Variants in HECTD4 observed in about 807,000 individuals in gnomAD.
HECTD4 encodes the protein HECT domain E3 ubiquitin protein ligase 4.
Under a neutral mutation model 471.5 loss-of-function variants are expected in HECTD4, and 114 were observed. That is an observed-to-expected ratio of 0.24 (90% CI 0.21 to 0.28). The LOEUF is 0.28. Ranked by LOEUF, HECTD4 falls within the 10% of genes least tolerant of loss-of-function variation. The pLI is 1.00. For synonymous variants in HECTD4, 2,012 were observed against 2,256.0 expected (o/e 0.89, Z 3.07); for missense variants, 3,866 against 5,651.5 (o/e 0.68, Z 10.13).
chr12:112,287,383 T>C (rs1044100722), intron 7 of HECTD4, among the ~76,000 whole-genome samples: 6 of 152,162 alleles, frequency 3.9e-5, no homozygotes, highest in African/African-American at 1.4e-4. Flanking sequence ...AAGGGTAGCT[T>C]AGTCATCTGG....
intron 1 of HECTD4, among the ~76,000 whole-genome samples, chr12:112,350,364 A>G (rs950968594): frequency 6.6e-6 from 1 of 152,238 alleles, no homozygotes; most frequent in African/African-American, 2.4e-5. Context: ...GGGAAACAGT[A>G]TGTGTTATCA....
In HECTD4 at chr12:112,248,471, G is replaced by A; in HGVS notation, c.3992C>T (p.Ser1331Phe). The A allele has an allele frequency of 6.2e-7, 1 of 1,610,146 alleles. No individual in the cohort carries two copies. The highest frequency in any genetic ancestry group is 8.5e-7 in the Non-Finnish European group (1 of 1,178,590). ...CAAGTTCAAGTGCTTAATAACACAA[G>A]ATACCACCATTTCCTCCATCACGTC... Reference protein sequence around the residue: ...QPDVMEEMVVSCVIKHLNLVD... With the variant: ...QPDVMEEMVVFCVIKHLNLVD... Residue 1331 changes from serine (S) to phenylalanine (F), a missense_variant, in exon 26 of 76, where the codon TCT becomes TTT. Physicochemically the swap from Ser to Phe is radical, Grantham distance 155 (BLOSUM62 -2). Transcript: ENST00000682272.
chr12:112,353,288 T>C (rs1594068253), intron 1 of HECTD4, among the ~76,000 whole-genome samples: 1 of 152,360 alleles, frequency 6.6e-6, no homozygotes, highest in East Asian at 1.9e-4. Flanking sequence ...GGATTCTTTC[T>C]AAGTATCTTT....
In HECTD4 at chr12:112,270,480, T is replaced by G. The variant is rs375103933; in HGVS notation, c.1943-21A>C. On this transcript the variant is annotated intron_variant, in intron 11 of 75. Coordinates refer to ENST00000682272, the MANE Select transcript of HECTD4 (RefSeq NM_001388303.1). The stretch of plus-strand genomic sequence containing the variant: ...CTCTTCTAGAAGATGAAAAGGAAAC[T>G]GAGTGAGGAAAGACATCTCTATGGG... 3.4e-5 allele frequency: 54 copies of G among 1,594,474 alleles called. No homozygotes were observed. In the African/African-American group the frequency reaches 7.1e-4, roughly 21 times the overall value.
At chr12:112,284,433 G>T (rs1185190475) in intron 7 of HECTD4, among the ~76,000 whole-genome samples, 1 of 152,194 alleles carries the variant, frequency 6.6e-6, no homozygotes, top group Non-Finnish European at 1.5e-5. Flanking sequence ...CAAAGGGAAA[G>T]CAAAAGAGGA....
In HECTD4 at chr12:112,250,962, T is replaced by C; in HGVS notation, c.3716+9A>G. 6.2e-7 allele frequency: 1 copy of C among 1,603,126 alleles called. No homozygotes were observed. Among genetic ancestry groups the C allele is most frequent in the South Asian group, 1.1e-5 (1 of 89,030 alleles). ...GGCAACACTAGCTCAATTTCAACCT[T>C]TTTGTTACCTTTGTAAAAGTTTGGA... On this transcript the variant is annotated intron_variant, in intron 24 of 75. Transcript: ENST00000682272.
In HECTD4 at chr12:112,190,978, C is replaced by T; in HGVS notation, c.9293-13G>A. ...GGTGGAGACACCCCTGCAAGAAGCA[C>T]CCAGGAAGAAAGCAGATGATTGGCA... On this transcript the variant is annotated splice_polypyrimidine_tract_variant and intron_variant, in intron 59 of 75. Coordinates refer to ENST00000682272, the MANE Select transcript of HECTD4 (RefSeq NM_001388303.1). 6.5e-7 allele frequency: 1 copy of T among 1,542,472 alleles called. No homozygotes were observed. The highest frequency in any genetic ancestry group is 1.4e-5 in the African/African-American group (1 of 72,962).
At chr12:112,313,446 A>T (rs2035410673) in intron 3 of HECTD4, among the ~76,000 whole-genome samples, 2 of 133,172 alleles carry the variant, frequency 1.5e-5, no homozygotes, top group South Asian at 4.7e-4. Context: ...TCCAGAGTAG[A>T]TGGGACCACA....
rs1262480901 is a variant in HECTD4 at position 112,254,131 on chromosome 12, C to T, written c.3359G>A (p.Ser1120Asn). 1.9e-6 allele frequency: 3 copies of T among 1,614,012 alleles called. No individual in the cohort carries two copies. Among genetic ancestry groups the T allele is most frequent in the Admixed American group, 1.7e-5 (1 of 60,024 alleles). Residue 1120 changes from serine (S) to asparagine (N), a missense_variant, in exon 22 of 76, where the codon AGT (serine) becomes AAT (asparagine). By Grantham distance (46) the Ser-to-Asn change is conservative (BLOSUM62 1). Coordinates refer to ENST00000682272, the MANE Select transcript of HECTD4 (RefSeq NM_001388303.1). ...GCCTCCATATTCAGCAACCTTCCTA[C>T]TGTTTGTGTTAGGCCCCGCATATAT... The part of the protein sequence containing the change: ...LVIYAGPNTN[S>N]RKVAEYGGNT...
In HECTD4 at chr12:112,192,615, G is replaced by A. The variant is rs749065186; in HGVS notation, c.9237C>T (p.Thr3079=). The A allele has an allele frequency of 3.7e-6, 6 of 1,609,040 alleles. No homozygotes were observed. The African/African-American group carries it at 5.3e-5, about 14-fold the overall frequency. The part of the protein sequence containing the change: ...PANTGLAPPP[T]ADQYPSVVLS... ...GGACCACAGAGGGGTACTGGTCAGC[G>A]GTGGGGGGAGGTGCAAGCCCAGTGT... The change falls in exon 59 of 76, where the codon ACC becomes ACT. Residue 3079 remains threonine, a synonymous_variant. Coordinates refer to ENST00000682272, the MANE Select transcript of HECTD4 (RefSeq NM_001388303.1).
chr12:112,265,318 AAC>A (rs749819686), intron 15 of HECTD4, 23 bp from the exon 16 acceptor site: 1 of 1,460,388 alleles, frequency 6.8e-7, no homozygotes, highest in Non-Finnish European at 9.4e-7. Context: ...GGAAAAATGT[AAC>A]AATAAAATAT....
At chr12:112,187,575 T>G (rs1403080847) in intron 60 of HECTD4, among the ~76,000 whole-genome samples, 1 of 150,068 alleles carries the variant, frequency 6.7e-6, no homozygotes, top group East Asian at 2.0e-4. Context: ...GTTATGCCAA[T>G]GGATACTAAT....
intron 4 of HECTD4, among the ~76,000 whole-genome samples, chr12:112,310,596 A>G (rs2035352117): frequency 2.0e-5 from 3 of 152,168 alleles, no homozygotes; most frequent in African/African-American, 7.2e-5. Flanking sequence ...AGGAAATGCA[A>G]TGTCACACCG....
At chr12:112,324,071 T>C (rs1452445348) in intron 1 of HECTD4, among the ~76,000 whole-genome samples, 1 of 88,662 alleles carries the variant, frequency 1.1e-5, no homozygotes, top group African/African-American at 6.6e-5. Context: ...TCTTTCTTTC[T>C]TTCTTTCTTT....
At chr12:112,378,257 T>C (rs1472696327) in intron 1 of HECTD4, among the ~76,000 whole-genome samples, 1 of 152,096 alleles carries the variant, frequency 6.6e-6, no homozygotes, top group African/African-American at 2.4e-5. Flanking sequence ...CTCGCTATGT[T>C]GCCCAGGCTG....
chr12:112,304,592 TGG>T (rs1247497075), intron 7 of HECTD4, among the ~76,000 whole-genome samples: 2 of 151,742 alleles, frequency 1.3e-5, no homozygotes, highest in Non-Finnish European at 2.9e-5. Flanking sequence ...TTCCAAGCAC[TGG>T]GATTACAGGC....
At chr12:112,379,037 G>A (rs186344291) in intron 1 of HECTD4, among the ~76,000 whole-genome samples, 22 of 151,274 alleles carry the variant, frequency 1.5e-4, no homozygotes, top group African/African-American at 9.7e-5. Flanking sequence ...GCAAGACTCC[G>A]TCTCAAAAAA....
intron 12 of HECTD4, 92 bp downstream of exon 12, chr12:112,270,135 A>T: frequency 2.7e-6 from 3 of 1,112,084 alleles, no homozygotes; most frequent in Non-Finnish European, 3.9e-6. Context: ...AAAATCATTA[A>T]ATTTTTCTTC....
At chr12:112,340,313 A>T (rs1489692997) in intron 1 of HECTD4, among the ~76,000 whole-genome samples, 1 of 152,196 alleles carries the variant, frequency 6.6e-6, no homozygotes, top group Non-Finnish European at 1.5e-5. Flanking sequence ...AGGTGTGATG[A>T]GCCCAAGTGC....
Sources: gnomAD v4.1 joint callset for allele counts (sites outside exome capture counted in the v4.1 genomes callset) on GRCh38, gnomAD v4.1.1 for gene constraint, MANE v1.5 for transcripts, NCBI Gene and HGNC (gene_info 2026-07-23, HGNC 2026-07-21) for gene names.